Variants in ADGRL3 observed in about 807,000 individuals in gnomAD.
ADGRL3 encodes the protein adhesion G protein-coupled receptor L3, also known as calcium-independent alpha-latrotoxin receptor 3.
A neutral mutation model predicts 153.5 loss-of-function variants in ADGRL3; 62 were observed. That is an observed-to-expected ratio of 0.40 (90% CI 0.33 to 0.50). ADGRL3 has a LOEUF of 0.50. Among genes scored for constraint, ADGRL3 ranks in the 20% least tolerant of loss-of-function variants. The pLI, the probability that ADGRL3 is intolerant of heterozygous loss-of-function variation, is 0.47. For missense variants in ADGRL3, 1,641 were observed against 1,859.4 expected (o/e 0.88, Z 2.16); for synonymous variants, 710 against 672.5 (o/e 1.06, Z -0.86).
At chr4:61,359,854 A>G (rs1240616722) in intron 1 of ADGRL3, among the ~76,000 whole-genome samples, 3 of 152,224 alleles carry the variant, frequency 2.0e-5, no homozygotes, top group Non-Finnish European at 4.4e-5. Context: ...AATTAATTAA[A>G]TATTCATTGA....
chr4:61,250,669 T>C lies in ADGRL3; in HGVS notation c.-240+48904T>C, dbSNP rs188221929. ...AGTGATACTTATACATTAGTACATTTTTGACGTGCATGCTTATGTAAGAAC... is the reference window on the plus strand; with the variant it reads ...AGTGATACTTATACATTAGTACATTCTTGACGTGCATGCTTATGTAAGAAC... On this transcript the variant is annotated intron_variant, in intron 1 of 26. Transcript: ENST00000683033. 9.2e-5 allele frequency among the ~76,000 whole-genome samples: 14 copies of C among 152,334 alleles called. 1 individual carries two copies. The highest frequency in any genetic ancestry group is 1.6e-4 in the Non-Finnish European group (11 of 68,036).
chr4:61,331,409 A>C (rs1238158930), intron 1 of ADGRL3, among the ~76,000 whole-genome samples: 1 of 152,210 alleles, frequency 6.6e-6, no homozygotes, highest in Non-Finnish European at 1.5e-5. Flanking sequence ...TAGCCCAAAA[A>C]TTATGACCAA....
chr4:61,813,383 A>G (rs1256632453), intron 8 of ADGRL3, among the ~76,000 whole-genome samples: 1 of 152,176 alleles, frequency 6.6e-6, no homozygotes, highest in African/African-American at 2.4e-5. Context: ...AATGAGCAAG[A>G]TTCCATTTCA....
chr4:61,432,325 A>G lies in ADGRL3; in HGVS notation c.-174+49136A>G, dbSNP rs867740953. 6.6e-5 allele frequency among the ~76,000 whole-genome samples: 10 copies of G among 152,158 alleles called. No individual in the cohort carries two copies. The South Asian group carries it at 1.2e-3, about 19-fold the overall frequency. ...AATTTTTAGTCCATTCCACATCTAC[A>G]TACTTCTGCCATGCAGTTAGATTAC... On this transcript the variant is annotated intron_variant, in intron 2 of 26. Coordinates refer to ENST00000683033, the MANE Select transcript of ADGRL3 (RefSeq NM_001387552.1).
chr4:61,673,409 G>A (rs2095073518), intron 5 of ADGRL3, among the ~76,000 whole-genome samples: 1 of 151,118 alleles, frequency 6.6e-6, no homozygotes, highest in Non-Finnish European at 1.5e-5. Flanking sequence ...TAGGTAAGAG[G>A]GATACCAAAA....
intron 13 of ADGRL3, among the ~76,000 whole-genome samples, chr4:61,932,085 T>A (rs893444465): frequency 1.3e-5 from 2 of 152,022 alleles, no homozygotes; most frequent in African/African-American, 4.8e-5. Flanking sequence ...ATATATATAT[T>A]TAATGGAGTC....
chr4:61,699,975 CACACAG>C (rs2095719133), intron 6 of ADGRL3, among the ~76,000 whole-genome samples: 1 of 150,612 alleles, frequency 6.6e-6, no homozygotes, highest in African/African-American at 2.4e-5. Context: ...CACAAAAACA[CACACAG>C]AGAGAGAGAG....
intron 1 of ADGRL3, among the ~76,000 whole-genome samples, chr4:61,339,633 A>G (rs1045588218): frequency 8.5e-5 from 13 of 152,234 alleles, no homozygotes; most frequent in African/African-American, 3.1e-4. Context: ...TTTAAATATT[A>G]GCAAGAATGT....
chr4:61,203,049 C>T (rs1045938256), intron 1 of ADGRL3, among the ~76,000 whole-genome samples: 1 of 152,152 alleles, frequency 6.6e-6, no homozygotes, highest in African/African-American at 2.4e-5. Context: ...CGGCGACATG[C>T]GTGCGGCGCG....
At chr4:61,388,638 A>G (rs2096768329) in intron 2 of ADGRL3, among the ~76,000 whole-genome samples, 1 of 152,188 alleles carries the variant, frequency 6.6e-6, no homozygotes, top group South Asian at 2.1e-4. Flanking sequence ...TTCTGTGTGG[A>G]TAATTACATC....
At chr4:61,666,467 A>G (rs543689411) in intron 5 of ADGRL3, among the ~76,000 whole-genome samples, 4 of 151,240 alleles carry the variant, frequency 2.6e-5, no homozygotes, top group African/African-American at 7.3e-5. Context: ...CGGAGAGGAC[A>G]TTTTTGTTGC....
intron 1 of ADGRL3, among the ~76,000 whole-genome samples, chr4:61,235,998 C>A (rs375917577): frequency 1.4e-5 from 1 of 71,334 alleles, no homozygotes; most frequent in Non-Finnish European, 2.6e-5. Context: ...ATCAGTGTTT[C>A]TTTTCTTTTC....
At chr4:61,960,166 A>G (rs982355839) in intron 17 of ADGRL3, among the ~76,000 whole-genome samples, 10 of 152,172 alleles carry the variant, frequency 6.6e-5, no homozygotes, top group African/African-American at 2.2e-4. Context: ...CACTCTTGTC[A>G]TAATATATTT....
chr4:61,712,118 G>T (rs1397791942), intron 6 of ADGRL3, among the ~76,000 whole-genome samples: 1 of 152,146 alleles, frequency 6.6e-6, no homozygotes, highest in Non-Finnish European at 1.5e-5. Flanking sequence ...TTTGGTCCGG[G>T]TTTGGTGGCT....
chr4:62,067,351 TA>T (rs1453532380), intron 25 of ADGRL3, among the ~76,000 whole-genome samples: 3 of 152,112 alleles, frequency 2.0e-5, no homozygotes, highest in African/African-American at 7.2e-5. Context: ...TTTTTTTCCT[TA>T]AAAAAATAAT....
At chr4:61,516,045 T>A (rs2098491897) in intron 3 of ADGRL3, among the ~76,000 whole-genome samples, 1 of 152,162 alleles carries the variant, frequency 6.6e-6, no homozygotes, top group Non-Finnish European at 1.5e-5. Flanking sequence ...TAAATTCAAA[T>A]AAAAATGTTT....
intron 23 of ADGRL3, among the ~76,000 whole-genome samples, chr4:62,031,956 T>TACACACACACAC (rs146856591): frequency 7.3e-6 from 1 of 137,758 alleles, no homozygotes; most frequent in Non-Finnish European, 1.6e-5. Context: ...GCATGAGTTA[T>TACACACACACAC]ACACACACAC....
intron 1 of ADGRL3, among the ~76,000 whole-genome samples, chr4:61,274,764 AAAAC>A (rs906748017): frequency 3.3e-5 from 5 of 152,050 alleles, no homozygotes; most frequent in African/African-American, 1.2e-4. Context: ...TCTCTACCAA[AAAAC>A]AAACAAACAA....
chr4:61,733,100 C>A lies in ADGRL3; in HGVS notation c.945C>A (p.Ala315=). 1 of 1,613,440 alleles carries A rather than the reference C, an allele frequency of 6.2e-7. No homozygotes were observed. The highest frequency in any genetic ancestry group is 1.1e-5 in the South Asian group (1 of 91,022). ...GTGGAGAGGCTATCATAGCAAATGC[C>A]AATTACCATGATACCTCCCCTTACC... ...IKSGEAIIAN[A]NYHDTSPYRW... Residue 315 remains alanine, a synonymous_variant, in exon 8 of 27, where the codon GCC becomes GCA. Coordinates refer to ENST00000683033, the MANE Select transcript of ADGRL3 (RefSeq NM_001387552.1).
Sources: allele counts gnomAD v4.1 joint callset (sites outside exome capture counted in the v4.1 genomes callset), GRCh38; gene constraint gnomAD v4.1.1; transcripts MANE v1.5; gene names NCBI Gene and HGNC (gene_info 2026-07-23, HGNC 2026-07-21).